The following SNX29 variants were observed in gnomAD, a reference collection of about 807,000 sequenced individuals.
SNX29 encodes sorting nexin-29.
A neutral mutation model predicts 102.1 loss-of-function variants in SNX29; 78 were observed. The ratio of observed to expected loss-of-function variants is 0.76; its 90% CI spans 0.64 to 0.92. SNX29 has a LOEUF of 0.92. Ranked by LOEUF, SNX29 falls within the 40% of genes least tolerant of loss-of-function variation. The pLI is 0.00. For synonymous variants in SNX29, 580 were observed against 414.5 expected (o/e 1.40, Z -4.85); for missense variants, 1,280 against 1,061.7 (o/e 1.21, Z -2.86).
intron 18 of SNX29, among the ~76,000 whole-genome samples, chr16:12,421,982 C>A (rs1156615586): frequency 6.6e-6 from 1 of 152,060 alleles, no homozygotes; most frequent in East Asian, 1.9e-4. Context: ...CATCATCTAT[C>A]CATCACCATC....
At chr16:12,069,789 C>T (rs1433925349) in intron 10 of SNX29, among the ~76,000 whole-genome samples, 2 of 152,194 alleles carry the variant, frequency 1.3e-5, no homozygotes, top group African/African-American at 4.8e-5. Context: ...CTGCTGTGTT[C>T]ACGCCATTCT....
intron 14 of SNX29, among the ~76,000 whole-genome samples, chr16:12,255,350 C>T (rs542713666): frequency 3.7e-4 from 56 of 150,978 alleles, no homozygotes; most frequent in African/African-American, 1.4e-3. Flanking sequence ...CACCCACCAC[C>T]ATGCCTGGCT....
At chr16:12,170,511 G>T (rs1205401381) in intron 13 of SNX29, among the ~76,000 whole-genome samples, 1 of 151,812 alleles carries the variant, frequency 6.6e-6, no homozygotes, top group African/African-American at 2.4e-5. Context: ...GCGTGTATCA[G>T]AACAGAGAGG....
At chr16:12,561,937 G>A (rs918343507) in intron 20 of SNX29, among the ~76,000 whole-genome samples, 7 of 152,120 alleles carry the variant, frequency 4.6e-5, no homozygotes, top group African/African-American at 1.7e-4. Flanking sequence ...TGAGCTTAGA[G>A]CCAGGTGCAT....
At chr16:12,302,829 C>G (rs112626016) in intron 15 of SNX29, among the ~76,000 whole-genome samples, 1 of 152,184 alleles carries the variant, frequency 6.6e-6, no homozygotes, top group Admixed American at 6.5e-5. Flanking sequence ...TTTTAAAAGA[C>G]ATCTCATCAG....
At chr16:12,213,338 G>A (rs1189780467) in intron 14 of SNX29, among the ~76,000 whole-genome samples, 2 of 152,136 alleles carry the variant, frequency 1.3e-5, no homozygotes, top group Non-Finnish European at 2.9e-5. Context: ...AGCAGGAGGG[G>A]AGGCGAGGGA....
At chr16:12,435,335 A>G (rs930741187) in intron 18 of SNX29, among the ~76,000 whole-genome samples, 2 of 152,188 alleles carry the variant, frequency 1.3e-5, no homozygotes, top group Non-Finnish European at 2.9e-5. Flanking sequence ...AAAATTCTGA[A>G]GTGTTCTCTA....
intron 11 of SNX29, among the ~76,000 whole-genome samples, chr16:12,112,586 G>A (rs970445797): frequency 1.3e-5 from 2 of 152,182 alleles, no homozygotes; most frequent in East Asian, 1.9e-4. Context: ...AGTGAATGCC[G>A]AAGACGACAG....
intron 19 of SNX29, among the ~76,000 whole-genome samples, chr16:12,480,506 C>G (rs1350963995): frequency 1.3e-5 from 2 of 152,188 alleles, no homozygotes; most frequent in African/African-American, 4.8e-5. Flanking sequence ...CGACCCCACC[C>G]TTTGTCTCAA....
chr16:12,540,658 A>G (rs183842303), intron 20 of SNX29, among the ~76,000 whole-genome samples: 6 of 152,298 alleles, frequency 3.9e-5, no homozygotes, highest in Middle Eastern at 6.8e-3. Context: ...AAAAGCCTGA[A>G]TGTAACCACA....
Position 12,129,701 on chromosome 16 carries a change from AAAGG to A in SNX29, c.1543_1546del (p.Lys515TrpfsTer10). 1 of 1,611,116 alleles carries A rather than the reference AAAGG, an allele frequency of 6.2e-7. No individual in the cohort carries two copies. The highest frequency in any genetic ancestry group is 8.5e-7 in the Non-Finnish European group (1 of 1,179,526). On this transcript the variant is annotated frameshift_variant, in exon 13 of 21. Coordinates refer to ENST00000566228, the MANE Select transcript of SNX29 (RefSeq NM_032167.5). LOFTEE classifies it high-confidence loss of function. ...CTCCGGCAAGAGGTGGACACCTTGA[AAAGG>A]AAGGTGGCTGAACAGGAGGAGCGGC...
intron 18 of SNX29, among the ~76,000 whole-genome samples, chr16:12,426,102 G>A (rs116621476): frequency 6.6e-6 from 1 of 151,404 alleles, no homozygotes; most frequent in African/African-American, 2.4e-5. Flanking sequence ...TTTTTAAAAA[G>A]ATACAGTACT....
chr16:12,447,886 G>T (rs558651442), intron 18 of SNX29, among the ~76,000 whole-genome samples: 1 of 152,236 alleles, frequency 6.6e-6, no homozygotes, highest in African/African-American at 2.4e-5. Flanking sequence ...TGCTGGCACG[G>T]TTGTCAGGAA....
intron 17 of SNX29, among the ~76,000 whole-genome samples, chr16:12,399,485 G>A (rs764561498): frequency 5.3e-5 from 8 of 152,234 alleles, no homozygotes; most frequent in African/African-American, 1.7e-4. Flanking sequence ...AGAAAAGCCC[G>A]GGAAAAGTCC....
chr16:12,459,494 G>A (rs1054297630), intron 18 of SNX29, among the ~76,000 whole-genome samples: 2 of 152,122 alleles, frequency 1.3e-5, no homozygotes, highest in African/African-American at 4.8e-5. Context: ...AAGGAGAACT[G>A]AAGAAGAGGA....
intron 11 of SNX29, among the ~76,000 whole-genome samples, chr16:12,094,657 C>G (rs909486227): frequency 2.0e-4 from 30 of 152,170 alleles, no homozygotes; most frequent in Non-Finnish European, 2.9e-5. Context: ...ATGGTTGTCA[C>G]ACCTGGGATG....
chr16:12,341,969 G>A (rs188071161), intron 15 of SNX29, among the ~76,000 whole-genome samples: 1 of 152,338 alleles, frequency 6.6e-6, no homozygotes, highest in Admixed American at 6.5e-5. Context: ...GTGCCAGGAA[G>A]TAAAGAAATT....
chr16:12,156,778 A>G (rs1217752466), intron 13 of SNX29, among the ~76,000 whole-genome samples: 4 of 152,182 alleles, frequency 2.6e-5, no homozygotes, highest in Non-Finnish European at 5.9e-5. Flanking sequence ...TGTTTATCCA[A>G]CGTCAGGAGA....
intron 9 of SNX29, among the ~76,000 whole-genome samples, chr16:12,066,614 G>A (rs891751309): frequency 6.6e-6 from 1 of 152,124 alleles, no homozygotes; most frequent in African/African-American, 2.4e-5. Context: ...ATGTGCCGAG[G>A]GTGACAGAGG....
Sources: allele counts gnomAD v4.1 joint callset (sites outside exome capture counted in the v4.1 genomes callset), GRCh38; gene constraint gnomAD v4.1.1; transcripts MANE v1.5; gene names NCBI Gene and HGNC (gene_info 2026-07-23, HGNC 2026-07-21).